The following LRP1B variants were observed in gnomAD, a reference collection of about 807,000 sequenced individuals.
LRP1B encodes low-density lipoprotein receptor-related protein 1B.
LRP1B carries 217 observed loss-of-function variants against 556.6 expected under a neutral mutation model. The observed-to-expected ratio is 0.39, with a 90% CI of 0.35 to 0.44. The LOEUF (loss-of-function observed/expected upper bound fraction) is 0.44. Among genes scored for constraint, LRP1B ranks in the 20% least tolerant of loss-of-function variants. LRP1B has a pLI of 1.00. For synonymous variants in LRP1B, 2,047 were observed against 1,865.8 expected (o/e 1.10, Z -2.50); for missense variants, 5,053 against 5,620.8 (o/e 0.90, Z 3.23).
intron 1 of LRP1B, among the ~76,000 whole-genome samples, chr2:141,975,673 G>A (rs1701865826): frequency 6.6e-6 from 1 of 152,080 alleles, no homozygotes; most frequent in African/African-American, 2.4e-5. Flanking sequence ...CACCAATTGT[G>A]TCTGATGCCT....
chr2:140,354,390 C>A (rs1386500865), intron 75 of LRP1B, among the ~76,000 whole-genome samples: 1 of 152,016 alleles, frequency 6.6e-6, no homozygotes, highest in Admixed American at 6.6e-5. Flanking sequence ...AACACATAAG[C>A]ATTTTCATGA....
chr2:140,825,603 A>T (rs529369229), intron 31 of LRP1B, among the ~76,000 whole-genome samples: 23 of 152,322 alleles, frequency 1.5e-4, no homozygotes, highest in African/African-American at 5.3e-4. Flanking sequence ...AATGCATTTA[A>T]CGCATTAAGC....
intron 3 of LRP1B, among the ~76,000 whole-genome samples, chr2:141,263,907 A>T (rs1684793064): frequency 6.6e-6 from 1 of 152,146 alleles, no homozygotes; most frequent in African/African-American, 2.4e-5. Context: ...GATGCCCAAA[A>T]AGCGTTTAAT....
intron 18 of LRP1B, among the ~76,000 whole-genome samples, chr2:140,958,895 G>A (rs1019250632): frequency 1.3e-5 from 2 of 151,464 alleles, no homozygotes; most frequent in Non-Finnish European, 1.5e-5. Context: ...AACAGTGAAC[G>A]TATATATGAG....
At chr2:141,613,328 T>C (rs1399429944) in intron 2 of LRP1B, among the ~76,000 whole-genome samples, 1 of 152,158 alleles carries the variant, frequency 6.6e-6, no homozygotes, top group Non-Finnish European at 1.5e-5. Flanking sequence ...CTCTAGAAAG[T>C]GACCACGAAA....
In LRP1B at chr2:141,043,908, G is replaced by A. The variant is rs560991427; in HGVS notation, c.1789+5078C>T. Among the ~76,000 whole-genome samples, 28 of 151,914 alleles carry A rather than the reference G, an allele frequency of 1.8e-4. 1 individual carries two copies. Among genetic ancestry groups the A allele is most frequent in the Admixed American group, 2.6e-4 (4 of 15,226 alleles). ...TACCAACGCCTTTCTTCACAGAATT[G>A]GAAAAAACTACTTTAAAGTTCATAT... On this transcript the variant is annotated intron_variant, in intron 11 of 90. Transcript: ENST00000389484.
At chr2:141,210,247 T>C (rs1334143351) in intron 6 of LRP1B, among the ~76,000 whole-genome samples, 1 of 109,558 alleles carries the variant, frequency 9.1e-6, no homozygotes, top group East Asian at 2.1e-4. Flanking sequence ...TCAGGAAATA[T>C]AAGAAAAAAA....
chr2:142,019,127 A>G (rs1703248422), intron 1 of LRP1B, among the ~76,000 whole-genome samples: 1 of 152,182 alleles, frequency 6.6e-6, no homozygotes, highest in Non-Finnish European at 1.5e-5. Context: ...TCTAATTCAG[A>G]ATTGGAATAA....
intron 43 of LRP1B, among the ~76,000 whole-genome samples, chr2:140,587,890 T>C (rs1406864771): frequency 6.6e-6 from 1 of 150,448 alleles, no homozygotes; most frequent in Non-Finnish European, 1.5e-5. Flanking sequence ...TTAATAATAA[T>C]AGATATCTCA....
intron 7 of LRP1B, among the ~76,000 whole-genome samples, chr2:141,116,164 A>T (rs767422971): frequency 4.6e-5 from 7 of 152,214 alleles, no homozygotes; most frequent in Non-Finnish European, 1.5e-5. Context: ...AAGTAAAAAA[A>T]CTGTATAATA....
intron 1 of LRP1B, among the ~76,000 whole-genome samples, chr2:142,117,626 T>TGA (rs959953405): frequency 1.3e-5 from 2 of 150,906 alleles, no homozygotes; most frequent in South Asian, 2.1e-4. Context: ...TGTGTGTGTG[T>TGA]GAGAGAGAGA....
chr2:140,562,884 A>G (rs946757564), intron 43 of LRP1B, among the ~76,000 whole-genome samples: 2 of 152,112 alleles, frequency 1.3e-5, no homozygotes, highest in South Asian at 4.1e-4. Flanking sequence ...CCAAAGTGCT[A>G]GGATTACAAG....
chr2:142,045,800 A>G (rs1704239050), intron 1 of LRP1B, among the ~76,000 whole-genome samples: 1 of 151,876 alleles, frequency 6.6e-6, no homozygotes, highest in Non-Finnish European at 1.5e-5. Context: ...CCAGTGCCAC[A>G]TTGTCTGTAA....
At chr2:140,344,180 T>A (rs1184387993) in intron 77 of LRP1B, among the ~76,000 whole-genome samples, 1 of 151,770 alleles carries the variant, frequency 6.6e-6, no homozygotes, top group Non-Finnish European at 1.5e-5. Context: ...TGATTGTCTA[T>A]TAAGGGAACT....
At chr2:141,052,290 A>G (rs1699058119) in intron 10 of LRP1B, among the ~76,000 whole-genome samples, 1 of 151,978 alleles carries the variant, frequency 6.6e-6, no homozygotes, top group Non-Finnish European at 1.5e-5. Context: ...AAAATCATTA[A>G]CATTTCTAGA....
intron 15 of LRP1B, among the ~76,000 whole-genome samples, chr2:141,003,100 T>A (rs938193904): frequency 6.6e-6 from 1 of 151,880 alleles, no homozygotes; most frequent in Non-Finnish European, 1.5e-5. Flanking sequence ...CTAATAGACA[T>A]AAACTACATG....
intron 24 of LRP1B, among the ~76,000 whole-genome samples, chr2:140,884,888 A>G (rs1485775291): frequency 6.6e-6 from 1 of 151,966 alleles, no homozygotes; most frequent in Non-Finnish European, 1.5e-5. Flanking sequence ...AATTCTTTGT[A>G]TTTTTGGTAG....
At chr2:141,096,762 T>A (rs897637191) in intron 7 of LRP1B, among the ~76,000 whole-genome samples, 2 of 149,302 alleles carry the variant, frequency 1.3e-5, no homozygotes, top group African/African-American at 2.5e-5. Flanking sequence ...GTAAAAAAAA[T>A]TAGGCTTTGT....
At chr2:141,314,369 G>A (rs1686918627) in intron 3 of LRP1B, among the ~76,000 whole-genome samples, 1 of 152,106 alleles carries the variant, frequency 6.6e-6, no homozygotes, top group Non-Finnish European at 1.5e-5. Context: ...AATTTTAAAT[G>A]AATTACATTT....
Sources: allele counts gnomAD v4.1 joint callset (sites outside exome capture counted in the v4.1 genomes callset), GRCh38; gene constraint gnomAD v4.1.1; transcripts MANE v1.5; gene names NCBI Gene and HGNC (gene_info 2026-07-23, HGNC 2026-07-21).